SLC2A13: variants seen among roughly 807,000 people sequenced by gnomAD.
SLC2A13 encodes the protein solute carrier family 2 member 13, also known as proton myo-inositol cotransporter.
A neutral mutation model predicts 64.4 loss-of-function variants in SLC2A13; 32 were observed. The observed-to-expected ratio is 0.50, with a 90% CI of 0.37 to 0.67. The LOEUF (loss-of-function observed/expected upper bound fraction) is 0.67. Ranked by LOEUF, SLC2A13 falls within the 30% of genes least tolerant of loss-of-function variation. SLC2A13 has a pLI of 0.00. For missense variants in SLC2A13, 743 were observed against 829.2 expected, an observed-to-expected ratio of 0.90 and a Z score of 1.28; for synonymous variants, 338 against 327.1, an observed-to-expected ratio of 1.03 and a Z score of -0.36.
intron 7 of SLC2A13, among the ~76,000 whole-genome samples, chr12:39,811,131 C>A (rs1367438206): frequency 6.6e-6 from 1 of 151,908 alleles, no homozygotes; most frequent in African/African-American, 2.4e-5. Flanking sequence ...ATATGTGTCA[C>A]CAGGAATTTT....
chr12:39,896,414 A>ATATGTG (rs1287371572), intron 4 of SLC2A13, among the ~76,000 whole-genome samples: 3 of 118,436 alleles, frequency 2.5e-5, no homozygotes, highest in African/African-American at 1.3e-4. Context: ...ACATATATGT[A>ATATGTG]TGTATATGTG....
chr12:39,822,326 A>C (rs1372459873), intron 7 of SLC2A13, among the ~76,000 whole-genome samples: 1 of 152,200 alleles, frequency 6.6e-6, no homozygotes, highest in Non-Finnish European at 1.5e-5. Flanking sequence ...ATCCATGTCC[A>C]GGTATCACAT....
At chr12:39,868,262 G>A (rs1445576650) in intron 5 of SLC2A13, among the ~76,000 whole-genome samples, 1 of 152,076 alleles carries the variant, frequency 6.6e-6, no homozygotes, top group Non-Finnish European at 1.5e-5. Flanking sequence ...ATTAGATTTT[G>A]GAATTTTGAT....
intron 3 of SLC2A13, among the ~76,000 whole-genome samples, chr12:39,958,727 T>A (rs1946359596): frequency 6.6e-6 from 1 of 152,180 alleles, no homozygotes; most frequent in African/African-American, 2.4e-5. Context: ...CTTCAGCAAT[T>A]TTTGGGTAAT....
intron 6 of SLC2A13, among the ~76,000 whole-genome samples, chr12:39,852,480 T>A (rs1490537410): frequency 6.6e-6 from 1 of 152,218 alleles, no homozygotes; most frequent in Non-Finnish European, 1.5e-5. Flanking sequence ...AAAGAGGACT[T>A]GTTCATTGAT....
chr12:39,812,352 C>CTTTTCTT (rs1555239906), intron 7 of SLC2A13, among the ~76,000 whole-genome samples: 6 of 127,856 alleles, frequency 4.7e-5, no homozygotes, highest in South Asian at 2.4e-4. Flanking sequence ...CTTTTCTTTT[C>CTTTTCTT]TTTTCTTTTC....
At chr12:40,048,974 T>G (rs1328967649) in intron 1 of SLC2A13, among the ~76,000 whole-genome samples, 1 of 152,084 alleles carries the variant, frequency 6.6e-6, no homozygotes, top group Non-Finnish European at 1.5e-5. Context: ...TTCTCCAGAG[T>G]GATCTTGACA....
chr12:39,864,070 C>A, intron 6 of SLC2A13, among the ~76,000 whole-genome samples: 1 of 152,322 alleles, frequency 6.6e-6, no homozygotes, highest in Middle Eastern at 3.4e-3. Flanking sequence ...AACTTTGAAG[C>A]TCTGCTGCCA....
rs1360915165 is a variant in SLC2A13, at chr12:40,105,629, G to A, written c.180C>T (p.Gly60=). 4 of 1,484,590 alleles carry A rather than the reference G, an allele frequency of 2.7e-6. No homozygotes were observed. The highest frequency in any genetic ancestry group is 2.7e-6 in the Non-Finnish European group (3 of 1,121,470). 92.0% of individuals were successfully genotyped at this position (1,484,590 alleles called of 1,614,324 possible). A position where few individuals can be genotyped will look rare whatever the true frequency, so the allele number is the denominator to read the frequency against. Residue 60 remains glycine, a synonymous_variant, in exon 1 of 10, where the codon GGC becomes GGT. Transcript: ENST00000280871. The surrounding 1 kb of genome is among the most constrained non-coding windows in gnomAD (Gnocchi z 4.2). ...GCGCCGCGCGCTCCAGGTCCCCGACGCCGCCGCCGCCCGCGCCCGCGCTCT... is the reference window on the plus strand; with the variant it reads ...GCGCCGCGCGCTCCAGGTCCCCGACACCGCCGCCGCCCGCGCCCGCGCTCT... ...SLQSAGAGGG[G]VGDLERAARR...
At chr12:39,969,678 T>A (rs1275894859) in intron 3 of SLC2A13, among the ~76,000 whole-genome samples, 2 of 152,228 alleles carry the variant, frequency 1.3e-5, no homozygotes, top group Non-Finnish European at 2.9e-5. Flanking sequence ...TTGTTGGAGT[T>A]CATTGTAGAT....
chr12:39,797,727 AACACACACACACAC>A (rs1555237479), intron 7 of SLC2A13, among the ~76,000 whole-genome samples: 4 of 84,002 alleles, frequency 4.8e-5, no homozygotes, highest in South Asian at 5.0e-4. Flanking sequence ...AGTTATGGTA[AACACACACACACAC>A]ACACACACAC....
chr12:39,863,368 T>C (rs1245316216), intron 6 of SLC2A13, among the ~76,000 whole-genome samples: 1 of 152,170 alleles, frequency 6.6e-6, no homozygotes, highest in African/African-American at 2.4e-5. Context: ...GTCATTCCTT[T>C]CCTATATCAG....
chr12:39,951,584 G>A (rs530675863), intron 3 of SLC2A13, among the ~76,000 whole-genome samples: 4 of 152,190 alleles, frequency 2.6e-5, no homozygotes, highest in South Asian at 2.1e-4. Context: ...CTGTAAAAGC[G>A]ACAAGAGATA....
At chr12:39,988,713 GGAAGGAAGGAA>G (rs1947078936) in intron 3 of SLC2A13, among the ~76,000 whole-genome samples, 1 of 127,408 alleles carries the variant, frequency 7.8e-6, no homozygotes, top group Non-Finnish European at 1.7e-5. Flanking sequence ...AAGGAAGGAA[GGAAGGAAGGAA>G]GGAAGGGGGG....
At chr12:40,016,947 G>T (rs551581179) in intron 3 of SLC2A13, among the ~76,000 whole-genome samples, 6 of 152,112 alleles carry the variant, frequency 3.9e-5, no homozygotes, top group South Asian at 2.1e-4. Flanking sequence ...AGTCCACAAC[G>T]AGTTTCTAAA....
At chr12:39,904,688 C>G (rs990863123) in intron 4 of SLC2A13, among the ~76,000 whole-genome samples, 43 of 152,106 alleles carry the variant, frequency 2.8e-4, no homozygotes, top group African/African-American at 9.2e-4. Flanking sequence ...CCAGCCTGTC[C>G]TTATATGCCC....
At position 40,105,210 on chromosome 12, in the gene SLC2A13, T is replaced by G; in HGVS notation, c.556+43A>C. 6.6e-7 allele frequency: 1 copy of G among 1,506,052 alleles called. No homozygotes were observed. The highest frequency in any genetic ancestry group is 8.8e-7 in the Non-Finnish European group (1 of 1,130,530). The allele number at this position is 1,506,052 out of a possible 1,614,324, so 93.3% of individuals were successfully genotyped here. A position where few individuals can be genotyped will look rare whatever the true frequency, so the allele number is the denominator to read the frequency against. Reference sequence around the variant, plus strand: ...ACGCAACACCCAGGGTCAAGGGCGGTGACAATGGGATCCCGGGCGCCCTTC... The same window carrying G: ...ACGCAACACCCAGGGTCAAGGGCGGGGACAATGGGATCCCGGGCGCCCTTC... On this transcript the variant is annotated intron_variant, in intron 1 of 9. Transcript: ENST00000280871. The surrounding 1 kb of genome is among the most constrained non-coding windows in gnomAD (Gnocchi z 4.2).
chr12:39,935,466 T>C (rs1945902157), intron 4 of SLC2A13, among the ~76,000 whole-genome samples: 2 of 152,270 alleles, frequency 1.3e-5, no homozygotes, highest in East Asian at 3.9e-4. Flanking sequence ...TCATTCCCCT[T>C]ATACATCATG....
intron 4 of SLC2A13, among the ~76,000 whole-genome samples, chr12:39,923,723 C>CACACACAT (rs1344836734): frequency 6.7e-6 from 1 of 148,884 alleles, no homozygotes; most frequent in Non-Finnish European, 1.5e-5. Context: ...CACACACACA[C>CACACACAT]ATATATTTTA....
Sources: allele counts gnomAD v4.1 joint callset (sites outside exome capture counted in the v4.1 genomes callset), GRCh38; gene constraint gnomAD v4.1.1; non-coding constraint Gnocchi (gnomAD v3.1); transcripts MANE v1.5; gene names NCBI Gene and HGNC (gene_info 2026-07-23, HGNC 2026-07-21).